UNC5D: variants seen among roughly 807,000 people sequenced by gnomAD.
UNC5D encodes netrin receptor UNC5D.
A neutral mutation model predicts 105.4 loss-of-function variants in UNC5D; 39 were observed. The ratio of observed to expected loss-of-function variants is 0.37; its 90% CI spans 0.29 to 0.48. The LOEUF is 0.48. Among genes scored for constraint, UNC5D ranks in the 20% least tolerant of loss-of-function variants. The pLI is 0.98. For synonymous variants in UNC5D, 452 were observed against 450.4 expected (o/e 1.00, Z -0.04); for missense variants, 991 against 1,202.4 (o/e 0.82, Z 2.60).
rs144515329 is a variant in UNC5D at position 35,388,192 on chromosome 8, C to A, written c.103+152305C>A. On this transcript the variant is annotated intron_variant, in intron 1 of 16. Transcript: ENST00000404895. The stretch of plus-strand genomic sequence containing the variant: ...AGTTCAAGACCAATGTGGTAAACCC[C>A]GTCTCTACTAAAAATACAAAAATTA... 2.0e-5 allele frequency among the ~76,000 whole-genome samples: 3 copies of A among 151,620 alleles called. No individual in the cohort carries two copies. In the South Asian group the frequency reaches 6.3e-4, roughly 32 times the overall value.
chr8:35,269,315 A>G lies in UNC5D; in HGVS notation c.103+33428A>G, dbSNP rs569714028. On this transcript the variant is annotated intron_variant, in intron 1 of 16. Transcript: ENST00000404895. ...AGACCCCAGGTGGCCCTGAACACCC[A>G]TCTTCCTTCCTGTCTCTCTGTCTGG... Among the ~76,000 whole-genome samples the G allele has an allele frequency of 5.3e-5, 8 of 152,304 alleles. No homozygotes were observed. In the South Asian group the frequency reaches 1.5e-3, roughly 28 times the overall value.
rs879425953 is a variant in UNC5D at position 35,409,446 on chromosome 8, T to A, written c.104-139846T>A. On this transcript the variant is annotated intron_variant, in intron 1 of 16. Coordinates refer to ENST00000404895, the MANE Select transcript of UNC5D (RefSeq NM_080872.4). ...GTTTGTTTTCATTTTATCCTTCTAA[T>A]AGGTGGATACTGGTTTCTCATGGTT... 8.9e-3 allele frequency among the ~76,000 whole-genome samples: 1,353 copies of A among 152,204 alleles called. 21 individuals are homozygous for A. Among genetic ancestry groups the A allele is most frequent in the South Asian group, 0.078 (375 of 4,808 alleles).
Position 35,602,589 on chromosome 8 carries a change from A to G in UNC5D, c.570+6932A>G, listed in dbSNP as rs549125005. On this transcript the variant is annotated intron_variant, in intron 4 of 16. Coordinates refer to ENST00000404895, the MANE Select transcript of UNC5D (RefSeq NM_080872.4). ...TAGATTTTCTAGTTTATTTGCATAG[A>G]GGTGTTTATAGTATTCTCTGATGGC... 1.2e-3 allele frequency among the ~76,000 whole-genome samples: 179 copies of G among 152,138 alleles called. 1 individual carries two copies. Among genetic ancestry groups the G allele is most frequent in the African/African-American group, 4.1e-3 (170 of 41,498 alleles).
intron 8 of UNC5D, among the ~76,000 whole-genome samples, chr8:35,710,198 T>G (rs1191383184): frequency 6.6e-6 from 1 of 152,214 alleles, no homozygotes; most frequent in Non-Finnish European, 1.5e-5. Context: ...CTAAGATGAT[T>G]GTGGCTTGAG....
At chr8:35,307,752 C>T (rs1461785432) in intron 1 of UNC5D, among the ~76,000 whole-genome samples, 2 of 152,102 alleles carry the variant, frequency 1.3e-5, no homozygotes, top group Non-Finnish European at 2.9e-5. Flanking sequence ...GGGGAAAATG[C>T]TGTGGGATAG....
At chr8:35,753,307 C>A (rs747068444) in intron 13 of UNC5D, among the ~76,000 whole-genome samples, 7 of 152,006 alleles carry the variant, frequency 4.6e-5, no homozygotes, top group Non-Finnish European at 8.8e-5. Flanking sequence ...CTCGCTCTGT[C>A]CCCCAGGCTG....
At chr8:35,429,409 C>A (rs1806474717) in intron 1 of UNC5D, among the ~76,000 whole-genome samples, 1 of 151,802 alleles carries the variant, frequency 6.6e-6, no homozygotes, top group Non-Finnish European at 1.5e-5. Flanking sequence ...TCTCTGTTTT[C>A]TCTATATTTG....
intron 1 of UNC5D, among the ~76,000 whole-genome samples, chr8:35,345,168 C>T (rs756363717): frequency 1.4e-4 from 22 of 152,038 alleles, no homozygotes; most frequent in Admixed American, 3.3e-4. Flanking sequence ...CTGAAAAGAA[C>T]GCTTGTAATC....
chr8:35,686,587 G>T lies in UNC5D; in HGVS notation c.962G>T (p.Ser321Ile), dbSNP rs1305726521. ...WEVWSEWSVC[S>I]PECEHLRIRE... is the part of the protein sequence containing the mutation. ...GTGTGGAGCGAATGGTCCGTCTGCAGTCCAGAGTGTGAACATTTGCGGATC... is the reference window on the plus strand; with the variant it reads ...GTGTGGAGCGAATGGTCCGTCTGCATTCCAGAGTGTGAACATTTGCGGATC... The change falls in exon 7 of 17, where the codon AGT becomes ATT. Residue 321 changes from serine (S) to isoleucine (I), a missense_variant. By Grantham distance (142) the Ser-to-Ile change is moderately radical. Coordinates refer to ENST00000404895, the MANE Select transcript of UNC5D (RefSeq NM_080872.4). The T allele has an allele frequency of 3.7e-6, 6 of 1,604,134 alleles. 1 individual carries two copies.
At chr8:35,373,178 T>C (rs1802518838) in intron 1 of UNC5D, among the ~76,000 whole-genome samples, 1 of 152,208 alleles carries the variant, frequency 6.6e-6, no homozygotes, top group African/African-American at 2.4e-5. Flanking sequence ...GCTCAGCCTA[T>C]CTTGATTCTT....
At chr8:35,729,662 G>C (rs1829083192) in intron 10 of UNC5D, among the ~76,000 whole-genome samples, 1 of 152,148 alleles carries the variant, frequency 6.6e-6, no homozygotes, top group Admixed American at 6.5e-5. Context: ...CAGCAGGGAG[G>C]TTTATAATGG....
intron 1 of UNC5D, among the ~76,000 whole-genome samples, chr8:35,480,455 C>T (rs949222532): frequency 6.6e-6 from 1 of 152,102 alleles, no homozygotes; most frequent in Non-Finnish European, 1.5e-5. Context: ...ATGACTTGGT[C>T]CTTTTTCCTT....
chr8:35,708,452 T>A (rs751649848), intron 8 of UNC5D, among the ~76,000 whole-genome samples: 3 of 152,222 alleles, frequency 2.0e-5, no homozygotes, highest in East Asian at 1.9e-4. Flanking sequence ...GATTTAATCA[T>A]AGTTAATAGA....
chr8:35,709,188 G>C (rs1173633508), intron 8 of UNC5D, among the ~76,000 whole-genome samples: 1 of 151,984 alleles, frequency 6.6e-6, no homozygotes, highest in Non-Finnish European at 1.5e-5. Flanking sequence ...GGTGTTCTGG[G>C]TGGTGGAGAA....
chr8:35,306,006 A>G (rs1808388725), intron 1 of UNC5D, among the ~76,000 whole-genome samples: 1 of 151,640 alleles, frequency 6.6e-6, no homozygotes. Context: ...TATGATTAGG[A>G]TAATATGGCT....
At chr8:35,600,076 G>C (rs375722800) in intron 4 of UNC5D, among the ~76,000 whole-genome samples, 1 of 152,124 alleles carries the variant, frequency 6.6e-6, no homozygotes, top group Non-Finnish European at 1.5e-5. Flanking sequence ...CCTTGGGATA[G>C]TTTGCTGAGA....
intron 1 of UNC5D, among the ~76,000 whole-genome samples, chr8:35,253,473 C>CTTTTT (rs58063448): frequency 2.1e-4 from 21 of 99,848 alleles, no homozygotes; most frequent in South Asian, 3.8e-4. Flanking sequence ...ATTTTATTTC[C>CTTTTT]TTTTTTTTTT....
intron 1 of UNC5D, among the ~76,000 whole-genome samples, chr8:35,288,222 A>T (rs574428146): frequency 6.6e-6 from 1 of 152,164 alleles, no homozygotes; most frequent in Non-Finnish European, 1.5e-5. Context: ...AGCATATCAC[A>T]TTCAAGGGAG....
At chr8:35,243,637 C>T (rs752819262) in intron 1 of UNC5D, among the ~76,000 whole-genome samples, 93 of 152,096 alleles carry the variant, frequency 6.1e-4, no homozygotes, top group Admixed American at 2.0e-3. Flanking sequence ...TATAGTTAAG[C>T]AAGAGATAGA....
Sources: allele counts gnomAD v4.1 joint callset (sites outside exome capture counted in the v4.1 genomes callset), GRCh38; gene constraint gnomAD v4.1.1; transcripts MANE v1.5; gene names NCBI Gene and HGNC (gene_info 2026-07-23, HGNC 2026-07-21).